Variants in THSD7B observed in about 807,000 individuals in gnomAD.
The protein encoded by THSD7B is thrombospondin type-1 domain-containing protein 7B.
A neutral mutation model predicts 213.6 loss-of-function variants in THSD7B; 138 were observed. That is an observed-to-expected ratio of 0.65 (90% CI 0.56 to 0.74). The LOEUF (loss-of-function observed/expected upper bound fraction) is 0.74. Among genes scored for constraint, THSD7B ranks in the 30% least tolerant of loss-of-function variants. The pLI, the probability that THSD7B is intolerant of heterozygous loss-of-function variation, is 0.00. For synonymous variants in THSD7B, 742 were observed against 687.0 expected (o/e 1.08, Z -1.25); for missense variants, 1,931 against 1,991.5 (o/e 0.97, Z 0.58).
At chr2:136,825,935 A>G (rs1682640860) in intron 1 of THSD7B, among the ~76,000 whole-genome samples, 2 of 151,988 alleles carry the variant, frequency 1.3e-5, no homozygotes, top group Non-Finnish European at 2.9e-5. Context: ...TCCATCTCCA[A>G]GTCCTTTTGC....
At chr2:137,262,350 T>C (rs1442746752) in intron 10 of THSD7B, among the ~76,000 whole-genome samples, 1 of 152,074 alleles carries the variant, frequency 6.6e-6, no homozygotes, top group African/African-American at 2.4e-5. Flanking sequence ...TGTTTCAGTG[T>C]ATTTCAGTCT....
intron 20 of THSD7B, among the ~76,000 whole-genome samples, chr2:137,622,034 A>G (rs888453544): frequency 6.6e-6 from 1 of 152,088 alleles, no homozygotes; most frequent in African/African-American, 2.4e-5. Context: ...GTGAGAACTC[A>G]CTCGCCCCCA....
At chr2:137,149,193 C>A (rs1041376268) in intron 5 of THSD7B, among the ~76,000 whole-genome samples, 1 of 152,120 alleles carries the variant, frequency 6.6e-6, no homozygotes, top group Admixed American at 6.5e-5. Flanking sequence ...TGGTGTTGGG[C>A]CTTTTGGTGC....
chr2:137,084,037 A>G (rs1219040698), intron 3 of THSD7B, among the ~76,000 whole-genome samples: 3 of 152,134 alleles, frequency 2.0e-5, no homozygotes, highest in African/African-American at 7.2e-5. Flanking sequence ...AAATACCTTC[A>G]CAATTAGGGA....
chr2:137,267,551 T>C (rs562808965), intron 10 of THSD7B, among the ~76,000 whole-genome samples: 1 of 146,274 alleles, frequency 6.8e-6, no homozygotes, highest in African/African-American at 2.5e-5. Flanking sequence ...CATCATACTA[T>C]AAAGTCTCTT....
rs1477762942 is a variant in THSD7B, at chr2:137,168,004, C to A, written c.1526-2737C>A. 2.0e-5 allele frequency among the ~76,000 whole-genome samples: 3 copies of A among 152,184 alleles called. 1 individual carries two copies. In the South Asian group the frequency reaches 6.2e-4, roughly 32 times the overall value. ...CCCATCCATTTAATCAGTAATAATGCACCTTTGGAGAAGTAATAAAGTGGC... is the reference window on the plus strand; with the variant it reads ...CCCATCCATTTAATCAGTAATAATGAACCTTTGGAGAAGTAATAAAGTGGC... On this transcript the variant is annotated intron_variant, in intron 6 of 27. Coordinates refer to ENST00000409968, the MANE Select transcript of THSD7B (RefSeq NM_001316349.2).
At chr2:137,489,071 G>C (rs1026893579) in intron 15 of THSD7B, among the ~76,000 whole-genome samples, 4 of 152,152 alleles carry the variant, frequency 2.6e-5, no homozygotes, top group Non-Finnish European at 5.9e-5. Flanking sequence ...TAGGTTGTCT[G>C]TTATGCTAAC....
chr2:137,313,540 C>T (rs940858635), intron 12 of THSD7B, among the ~76,000 whole-genome samples: 14 of 150,516 alleles, frequency 9.3e-5, no homozygotes, highest in Non-Finnish European at 1.2e-4. Context: ...TGAATTTGAT[C>T]CTGTCATTAT....
At chr2:137,599,897 T>C (rs1682044224) in intron 17 of THSD7B, among the ~76,000 whole-genome samples, 1 of 152,194 alleles carries the variant, frequency 6.6e-6, no homozygotes, top group Non-Finnish European at 1.5e-5. Flanking sequence ...TCATGTATCC[T>C]TTCCCCTTTG....
chr2:136,918,744 T>C (rs1684386203), intron 2 of THSD7B, among the ~76,000 whole-genome samples: 1 of 152,210 alleles, frequency 6.6e-6, no homozygotes, highest in Admixed American at 6.5e-5. Flanking sequence ...ATCTGGCCTT[T>C]TCAGTGTTTT....
At chr2:137,250,906 GAC>G (rs1449269667) in intron 10 of THSD7B, among the ~76,000 whole-genome samples, 2 of 152,042 alleles carry the variant, frequency 1.3e-5, no homozygotes, top group African/African-American at 4.8e-5. Context: ...AGTTTGTTCT[GAC>G]CCTTCTGCTG....
intron 4 of THSD7B, among the ~76,000 whole-genome samples, chr2:137,107,578 G>A (rs1224354648): frequency 6.6e-6 from 1 of 152,164 alleles, no homozygotes; most frequent in East Asian, 1.9e-4. Context: ...GATTCTCCAG[G>A]TACTGTTTTA....
At position 137,031,661 on chromosome 2, in the gene THSD7B, A is replaced by AAAG. The variant is rs561762305; in HGVS notation, c.140-24755_140-24753dup. ...AATAACAATAGCAAAATATATTCAA[A>AAAG]AAGAAGCATAACAACATGTATTTGA... On this transcript the variant is annotated intron_variant, in intron 2 of 27. Transcript: ENST00000409968. Among the ~76,000 whole-genome samples the AAAG allele has an allele frequency of 1.4e-3, 206 of 147,052 alleles. 1 individual carries two copies. Among genetic ancestry groups the AAAG allele is most frequent in the African/African-American group, 3.8e-3 (158 of 41,254 alleles).
chr2:137,105,716 A>G (rs1475035347), intron 4 of THSD7B, among the ~76,000 whole-genome samples: 3 of 152,234 alleles, frequency 2.0e-5, no homozygotes, highest in African/African-American at 7.2e-5. Context: ...CTCAGGATAC[A>G]AAATCAATGT....
chr2:136,996,643 G>A (rs981935219), intron 2 of THSD7B, among the ~76,000 whole-genome samples: 2 of 152,150 alleles, frequency 1.3e-5, no homozygotes, highest in Non-Finnish European at 2.9e-5. Context: ...ACTGCATCTA[G>A]CCACTTTGTT....
chr2:137,275,976 AG>A lies in THSD7B; in HGVS notation c.2453del (p.Gly818GlufsTer2). ...PCILVPESVW[Q>X]GITGSSEACG... ...ATCTTAGTGCCAGAGTCTGTCTGGCAGGGAATAACGGGCAGCAGTGAAGCCT... is the reference window on the plus strand; with the variant it reads ...ATCTTAGTGCCAGAGTCTGTCTGGCAGGAATAACGGGCAGCAGTGAAGCCT... On this transcript the variant is annotated frameshift_variant, in exon 12 of 28. Transcript: ENST00000409968. LOFTEE classifies it high-confidence loss of function. 6.2e-7 allele frequency: 1 copy of A among 1,612,412 alleles called. No homozygotes were observed. Among genetic ancestry groups the A allele is most frequent in the Non-Finnish European group, 8.5e-7 (1 of 1,178,970 alleles).
chr2:137,070,733 C>G (rs1203494152), intron 3 of THSD7B, among the ~76,000 whole-genome samples: 1 of 151,434 alleles, frequency 6.6e-6, no homozygotes, highest in African/African-American at 2.4e-5. Flanking sequence ...CCACAACAAT[C>G]CCCGGTGTAT....
At chr2:137,153,936 T>C (rs1679863119) in intron 5 of THSD7B, among the ~76,000 whole-genome samples, 1 of 152,156 alleles carries the variant, frequency 6.6e-6, no homozygotes, top group African/African-American at 2.4e-5. Context: ...GAAAAGCCCA[T>C]GGAATTGGGG....
At chr2:137,249,623 C>T (rs1682123883) in intron 10 of THSD7B, among the ~76,000 whole-genome samples, 1 of 152,140 alleles carries the variant, frequency 6.6e-6, no homozygotes, top group Admixed American at 6.5e-5. Context: ...ACAGTGGCCC[C>T]AGGAGGTAAG....
Sources: gnomAD v4.1 joint callset for allele counts (sites outside exome capture counted in the v4.1 genomes callset) on GRCh38, gnomAD v4.1.1 for gene constraint, MANE v1.5 for transcripts, NCBI Gene and HGNC (gene_info 2026-07-23, HGNC 2026-07-21) for gene names.